AFG2A: variants seen among roughly 807,000 people sequenced by gnomAD.
The protein encoded by AFG2A is AAA ATPase AFG2A, also known as ATPase family gene 2 protein homolog A.
chr4:123,233,146 G>A, the AFG2A span, among the ~76,000 whole-genome samples: 3 of 152,042 alleles, frequency 2.0e-5, no homozygotes, highest in Non-Finnish European at 2.9e-5. Context: ...CACGTGAAAA[G>A]ATTTTAAAAA....
At chr4:123,055,808 C>A in the AFG2A span, among the ~76,000 whole-genome samples, 1 of 152,180 alleles carries the variant, frequency 6.6e-6, no homozygotes, top group Non-Finnish European at 1.5e-5. Flanking sequence ...CTCGGAGAAA[C>A]ATCCCCACAA....
the AFG2A span, among the ~76,000 whole-genome samples, chr4:123,029,436 G>A: frequency 6.6e-6 from 1 of 152,168 alleles, no homozygotes; most frequent in African/African-American, 2.4e-5. Context: ...AAACTTCAGA[G>A]TAGTTTGTCA....
chr4:122,951,150 T>G, the AFG2A span, among the ~76,000 whole-genome samples: 4 of 152,134 alleles, frequency 2.6e-5, no homozygotes, highest in Admixed American at 2.6e-4. Flanking sequence ...ATGGGGAATG[T>G]CCTTCTACAT....
At chr4:123,185,338 A>G in the AFG2A span, among the ~76,000 whole-genome samples, 1 of 152,106 alleles carries the variant, frequency 6.6e-6, no homozygotes, top group African/African-American at 2.4e-5. Context: ...ACATCAAAAA[A>G]GTCATAATAA....
the AFG2A span, among the ~76,000 whole-genome samples, chr4:123,031,696 A>G: frequency 1.3e-5 from 2 of 152,242 alleles, no homozygotes; most frequent in African/African-American, 2.4e-5. Flanking sequence ...AAAACTCCCT[A>G]TCACTTTTCA....
At chr4:123,203,933 G>A in the AFG2A span, among the ~76,000 whole-genome samples, 1 of 152,172 alleles carries the variant, frequency 6.6e-6, no homozygotes, top group African/African-American at 2.4e-5. Flanking sequence ...CCTTTCTGAA[G>A]GCTTTAGAGA....
the AFG2A span, chr4:122,927,586 A>G: frequency 6.4e-7 from 1 of 1,563,676 alleles, no homozygotes; most frequent in Non-Finnish European, 8.7e-7. Context: ...AGCATGCCTT[A>G]ACTTCTGTTA....
chr4:123,009,797 A>G, the AFG2A span, among the ~76,000 whole-genome samples: 3 of 152,334 alleles, frequency 2.0e-5, no homozygotes, highest in Middle Eastern at 3.4e-3. Flanking sequence ...ATCACAGTCT[A>G]ACTAAGGTAT....
At chr4:123,187,771 G>C in the AFG2A span, among the ~76,000 whole-genome samples, 1 of 152,018 alleles carries the variant, frequency 6.6e-6, no homozygotes, top group South Asian at 2.1e-4. Context: ...TGAGGTGGGA[G>C]GATCTCTTGA....
the AFG2A span, among the ~76,000 whole-genome samples, chr4:123,270,058 G>A: frequency 1.4e-3 from 218 of 152,262 alleles, 1 homozygote; most frequent in African/African-American, 4.9e-3. Flanking sequence ...CTCGTGATCT[G>A]CCCGCCTCGG....
the AFG2A span, among the ~76,000 whole-genome samples, chr4:123,015,330 G>A: frequency 3.4e-3 from 518 of 151,448 alleles, 3 homozygotes; most frequent in Middle Eastern, 0.014. Flanking sequence ...AGGACCCTGC[G>A]GCCTTCCGCA....
chr4:123,192,275 C>G, the AFG2A span, among the ~76,000 whole-genome samples: 1 of 152,174 alleles, frequency 6.6e-6, no homozygotes, highest in African/African-American at 2.4e-5. Context: ...AATCTACCTG[C>G]CTTGGCCTCC....
the AFG2A span, among the ~76,000 whole-genome samples, chr4:123,167,288 G>T: frequency 2.0e-5 from 3 of 149,872 alleles, no homozygotes; most frequent in Admixed American, 1.3e-4. Flanking sequence ...CTTTTTGGGG[G>T]GTCCTACTTA....
chr4:123,300,436 A>T, the AFG2A span, among the ~76,000 whole-genome samples: 1 of 152,100 alleles, frequency 6.6e-6, no homozygotes. Context: ...AAAATCAGAG[A>T]TTGCCCTTTC....
the AFG2A span, among the ~76,000 whole-genome samples, chr4:123,030,693 A>G: frequency 2.0e-5 from 3 of 152,228 alleles, no homozygotes; most frequent in African/African-American, 7.2e-5. Flanking sequence ...TATGGAGGAT[A>G]TACTTAATGA....
the AFG2A span, among the ~76,000 whole-genome samples, chr4:123,038,154 G>A: frequency 6.6e-6 from 1 of 152,062 alleles, no homozygotes; most frequent in Admixed American, 6.6e-5. Flanking sequence ...ATAGTTAAAA[G>A]ACTTGTATCC....
the AFG2A span, among the ~76,000 whole-genome samples, chr4:123,120,127 A>G: frequency 1.3e-5 from 2 of 152,176 alleles, no homozygotes; most frequent in East Asian, 3.8e-4. Flanking sequence ...TTTATCATCA[A>G]CACTGACGAG....
the AFG2A span, among the ~76,000 whole-genome samples, chr4:123,233,279 G>GCACACACACACA: frequency 6.8e-6 from 1 of 147,014 alleles, no homozygotes; most frequent in East Asian, 2.0e-4. Flanking sequence ...ACACACACAC[G>GCACACACACACA]CACACACACA....
chr4:123,053,515 C>T, the AFG2A span, among the ~76,000 whole-genome samples: 1 of 152,204 alleles, frequency 6.6e-6, no homozygotes, highest in Admixed American at 6.5e-5. Flanking sequence ...CTTATTTGCT[C>T]ATATCAGCAT....
Sources: gnomAD v4.1 joint callset for allele counts (sites outside exome capture counted in the v4.1 genomes callset) on GRCh38, gnomAD v4.1.1 for gene constraint, MANE v1.5 for transcripts, NCBI Gene and HGNC (gene_info 2026-07-23, HGNC 2026-07-21) for gene names.